The following IKZF5 variants were observed in gnomAD, a reference collection of about 807,000 sequenced individuals.
The protein encoded by IKZF5 is IKAROS family zinc finger 5.
Under a neutral mutation model 30.7 loss-of-function variants are expected in IKZF5, and 4 were observed. The ratio of observed to expected loss-of-function variants is 0.13; its 90% CI spans 0.06 to 0.30. The LOEUF (loss-of-function observed/expected upper bound fraction) is 0.30. Among genes scored for constraint, IKZF5 ranks in the 10% least tolerant of loss-of-function variants. The pLI is 1.00. For synonymous variants in IKZF5, 148 were observed against 179.6 expected (o/e 0.82, Z 1.41); for missense variants, 348 against 525.5 (o/e 0.66, Z 3.30).
chr10:122,994,817 A>G lies in IKZF5; in HGVS notation c.317-94T>C. On this transcript the variant is annotated intron_variant, in intron 4 of 4. Transcript: ENST00000368886. This position sits in a 1 kb window ranked among gnomAD's most constrained non-coding sequence, Gnocchi z 5.6. ...TTCATTGGACAACTGGAAATTGATC[A>G]AAAAGAAAATGCTTTCAGAAAGTCA... The G allele has an allele frequency of 9.9e-7, 1 of 1,006,668 alleles. No homozygotes were observed. The highest frequency in any genetic ancestry group is 1.5e-6 in the Non-Finnish European group (1 of 681,902). The allele number at this position is 1,006,668 out of a possible 1,614,324, so 62.4% of individuals were successfully genotyped here. A position where few individuals can be genotyped will look rare whatever the true frequency, so the allele number is the denominator to read the frequency against.
At chr10:122,997,096 C>G (rs1348071775) in intron 3 of IKZF5, 1 of 152,168 alleles carries the variant, frequency 6.6e-6, no homozygotes, top group Admixed American at 6.5e-5. Flanking sequence ...TGCTTTTAAT[C>G]TAATCTGACT....
intron 2 of IKZF5, among the ~76,000 whole-genome samples, chr10:123,002,529 A>AG (rs1849626699): frequency 6.9e-6 from 1 of 145,884 alleles, no homozygotes; most frequent in African/African-American, 2.6e-5. Flanking sequence ...CAAAAAAAAA[A>AG]AAAAAATTAT....
intron 2 of IKZF5, 121 bp from the exon 3 acceptor site, chr10:122,998,792 A>C (rs1849482919): frequency 2.3e-6 from 1 of 431,856 alleles, no homozygotes; most frequent in East Asian, 3.4e-5. Context: ...TCAGCATCTT[A>C]TAATCTTACT....
At position 122,994,755 on chromosome 10, in the gene IKZF5, C is replaced by T. The variant is rs748542811; in HGVS notation, c.317-32G>A. The T allele has an allele frequency of 6.6e-7, 1 of 1,514,100 alleles. No homozygotes were observed. Among genetic ancestry groups the T allele is most frequent in the Non-Finnish European group, 8.9e-7 (1 of 1,119,866 alleles). 93.8% of individuals were successfully genotyped at this position (1,514,100 alleles called of 1,614,324 possible). ...CAAAAGAAAAATGATGGAGAAACTA[C>T]AAGAGTAGTTCATTTATGGAAAGTT... On this transcript the variant is annotated intron_variant, in intron 4 of 4. Coordinates refer to ENST00000368886, the MANE Select transcript of IKZF5 (RefSeq NM_001372123.1). The surrounding 1 kb of genome is among the most constrained non-coding windows in gnomAD (Gnocchi z 5.6).
At chr10:122,999,379 A>T (rs181196707) in intron 2 of IKZF5, among the ~76,000 whole-genome samples, 10 of 152,356 alleles carry the variant, frequency 6.6e-5, no homozygotes, top group Admixed American at 6.5e-5. Context: ...TAGTGTTCAC[A>T]TGAATGAGTA....
In IKZF5 at chr10:122,993,976, A is replaced by T; in HGVS notation, c.1064T>A (p.Leu355Gln). The T allele has an allele frequency of 1.2e-6, 2 of 1,614,094 alleles. No individual in the cohort carries two copies. The highest frequency in any genetic ancestry group is 4.5e-5 in the East Asian group (2 of 44,868). The change falls in exon 5 of 5, where the codon CTG (leucine) becomes CAG (glutamine). Residue 355 changes from leucine to glutamine, a missense_variant. By Grantham distance (113) the Leu-to-Gln change is moderately radical. Coordinates refer to ENST00000368886, the MANE Select transcript of IKZF5 (RefSeq NM_001372123.1). ...NSQPSTPAPALPVQDPQLLHH... is the reference protein window; with the variant it reads ...NSQPSTPAPAQPVQDPQLLHH... Reference sequence around the variant, plus strand: ...CAGAAGCTGAGGGTCCTGGACCGGCAGGGCTGGGGCTGGGGTGCTTGGCTG... The same window carrying T: ...CAGAAGCTGAGGGTCCTGGACCGGCTGGGCTGGGGCTGGGGTGCTTGGCTG...
intron 2 of IKZF5, among the ~76,000 whole-genome samples, chr10:123,000,335 C>T (rs375425829): frequency 8.5e-5 from 13 of 152,288 alleles, no homozygotes; most frequent in South Asian, 8.3e-4. Context: ...CACTATGAAC[C>T]TTTGTCTGGC....
Position 122,993,994 on chromosome 10 carries a change from C to T in IKZF5, c.1046G>A (p.Ser349Asn). The T allele has an allele frequency of 6.2e-7, 1 of 1,614,018 alleles. No individual in the cohort carries two copies. Among genetic ancestry groups the T allele is most frequent in the Non-Finnish European group, 8.5e-7 (1 of 1,179,996 alleles). Reference sequence around the variant, plus strand: ...GACCGGCAGGGCTGGGGCTGGGGTGCTTGGCTGGCTGTTTCCTATGCTGGG... The same window carrying T: ...GACCGGCAGGGCTGGGGCTGGGGTGTTTGGCTGGCTGTTTCCTATGCTGGG... ...STPSIGNSQP[S>N]TPAPALPVQD... The change falls in exon 5 of 5, where the codon AGC becomes AAC. Residue 349 changes from serine to asparagine, a missense_variant. By Grantham distance (46) the Ser-to-Asn change is conservative. Transcript: ENST00000368886.
At chr10:123,002,455 G>A (rs1358979868) in intron 2 of IKZF5, among the ~76,000 whole-genome samples, 1 of 151,558 alleles carries the variant, frequency 6.6e-6, no homozygotes, top group African/African-American at 2.4e-5. Flanking sequence ...GGGAGGCAGA[G>A]GTTGCAGTGA....
intron 2 of IKZF5, among the ~76,000 whole-genome samples, chr10:123,006,418 C>A (rs1352096447): frequency 6.6e-6 from 1 of 152,184 alleles, no homozygotes; most frequent in Admixed American, 6.5e-5. Flanking sequence ...GTGCACCCCC[C>A]CCAGCCTCTT....
chr10:122,993,724 C>T lies in IKZF5; in HGVS notation c.*56G>A. ...TATTAGGGATGACCAAAACAAAAAA[C>T]AAAAAAAACCAAACCACAAAAACAG... On this transcript the variant is annotated 3_prime_UTR_variant, in exon 5 of 5. Transcript: ENST00000368886. 7.8e-6 allele frequency: 10 copies of T among 1,287,074 alleles called. No individual in the cohort carries two copies. In the Admixed American group the frequency reaches 1.6e-4, roughly 20 times the overall value. 79.7% of individuals were successfully genotyped at this position (1,287,074 alleles called of 1,614,324 possible). A position where few individuals can be genotyped will look rare whatever the true frequency, so the allele number is the denominator to read the frequency against.
Position 122,998,559 on chromosome 10 carries a change from T to C in IKZF5, c.67A>G (p.Thr23Ala). 1 of 1,613,872 alleles carries C rather than the reference T, an allele frequency of 6.2e-7. No individual in the cohort carries two copies. The highest frequency in any genetic ancestry group is 8.5e-7 in the Non-Finnish European group (1 of 1,179,756). Residue 23 changes from threonine to alanine, a missense_variant, in exon 3 of 5, where the codon ACC becomes GCC. Transcript: ENST00000368886. ...KDFQEYLTQQ[T>A]HHVNMISGSV... ...CCAGAAATCATGTTCACGTGATGGG[T>C]CTGCTGAGTCAGGTATTCCTGAAAA...
chr10:122,998,637 T>C lies in IKZF5; in HGVS notation c.-12A>G. 1 of 1,611,400 alleles carries C rather than the reference T, an allele frequency of 6.2e-7. No homozygotes were observed. The highest frequency in any genetic ancestry group is 1.1e-5 in the South Asian group (1 of 90,522). On this transcript the variant is annotated 5_prime_UTR_variant, in exon 3 of 5. Transcript: ENST00000368886. ...TTTTTTTCACCCATCTTTGCTTTTT[T>C]AACATTTACAGTTTGTTAGACCTAG...
At chr10:122,998,403 A>C (rs770418268) in intron 3 of IKZF5, 90 bp downstream of exon 3, 3 of 1,082,912 alleles carry the variant, frequency 2.8e-6, no homozygotes, top group Non-Finnish European at 4.0e-6. Context: ...GATTCACATT[A>C]ATGCGCAGTG....
chr10:122,999,188 T>C (rs1849496843), intron 2 of IKZF5, among the ~76,000 whole-genome samples: 1 of 152,178 alleles, frequency 6.6e-6, no homozygotes, highest in Non-Finnish European at 1.5e-5. Flanking sequence ...AAGGAGACTA[T>C]TTTCTGGATG....
intron 2 of IKZF5, among the ~76,000 whole-genome samples, chr10:123,003,148 A>C (rs1212954375): frequency 2.1e-5 from 3 of 139,602 alleles, no homozygotes; most frequent in Non-Finnish European, 4.5e-5. Context: ...CTCCTGCCTT[A>C]GCCTCCAGAG....
At chr10:123,001,243 T>C (rs1195383325) in intron 2 of IKZF5, among the ~76,000 whole-genome samples, 4 of 152,132 alleles carry the variant, frequency 2.6e-5, no homozygotes, top group Non-Finnish European at 5.9e-5. Context: ...CCCGACCTTG[T>C]GATCTGCCCA....
At position 122,994,168 on chromosome 10, in the gene IKZF5, G is replaced by A; in HGVS notation, c.872C>T (p.Pro291Leu). 3 of 1,614,118 alleles carry A rather than the reference G, an allele frequency of 1.9e-6. No homozygotes were observed. The highest frequency in any genetic ancestry group is 2.5e-6 in the Non-Finnish European group (3 of 1,180,028). The change falls in exon 5 of 5, where the codon CCC becomes CTC. Residue 291 changes from proline (P) to leucine (L), a missense_variant. By Grantham distance (98) the Pro-to-Leu change is moderately conservative (BLOSUM62 -3). Around this residue, in one of 4 missense-constraint regions of IKZF5, gnomAD observed 176 missense variants for 198.2 expected, o/e 0.89. Transcript: ENST00000368886. This position sits in a 1 kb window ranked among gnomAD's most constrained non-coding sequence, Gnocchi z 5.6. Reference sequence around the variant, plus strand: ...GGCAGAAACTACTGCTTGGGTAGAGGGCTGCTGAATCATGAAAGGCTTTTC... The same window carrying A: ...GGCAGAAACTACTGCTTGGGTAGAGAGCTGCTGAATCATGAAAGGCTTTTC... ...PDEKPFMIQQPSTQAVVSAVS... is the reference protein window; with the variant it reads ...PDEKPFMIQQLSTQAVVSAVS...
chr10:122,996,225 A>T (rs777121575), intron 3 of IKZF5, 49 bp from the exon 4 acceptor site: 28 of 1,501,958 alleles, frequency 1.9e-5, no homozygotes, highest in Non-Finnish European at 2.1e-5. Context: ...GAATCAACTC[A>T]ATTTAGCATT....
Sources: allele counts gnomAD v4.1 joint callset (sites outside exome capture counted in the v4.1 genomes callset), GRCh38; gene constraint gnomAD v4.1.1; regional missense constraint gnomAD v4.1.1; non-coding constraint Gnocchi (gnomAD v3.1); transcripts MANE v1.5; gene names NCBI Gene and HGNC (gene_info 2026-07-23, HGNC 2026-07-21).